The following ZC3H18 variants were observed in gnomAD, a reference collection of about 807,000 sequenced individuals.
ZC3H18 encodes zinc finger CCCH-type containing 18.
ZC3H18 carries 8 observed loss-of-function variants against 106.1 expected under a neutral mutation model. The observed-to-expected ratio is 0.08, with a 90% confidence interval of 0.04 to 0.14. The LOEUF is 0.14. ZC3H18 is among the 10% of genes least tolerant of loss of function. The pLI is 1.00. For synonymous variants in ZC3H18, 635 were observed against 522.1 expected (o/e 1.22, Z -2.95); for missense variants, 1,318 against 1,278.4 (o/e 1.03, Z -0.47).
chr16:88,571,560 G>C (rs1228676270), intron 1 of ZC3H18: 1 of 949,184 alleles, frequency 1.1e-6, no homozygotes, highest in Non-Finnish European at 1.3e-6. Flanking sequence ...AGCCCAGCCA[G>C]CCCTGGAACC....
intron 15 of ZC3H18, chr16:88,628,512 C>T (rs1227297718): frequency 5.4e-6 from 3 of 557,786 alleles, no homozygotes; most frequent in Admixed American, 3.1e-5. Flanking sequence ...CTAGAGTGGC[C>T]CCCGTGGGGA....
chr16:88,579,949 G>A (rs1915005553), intron 2 of ZC3H18, among the ~76,000 whole-genome samples: 1 of 152,144 alleles, frequency 6.6e-6, no homozygotes, highest in Non-Finnish European at 1.5e-5. Context: ...ACCAAGGTGG[G>A]CAGTGCTGTG....
chr16:88,628,493 C>T (rs551825501), intron 15 of ZC3H18, among the ~76,000 whole-genome samples: 20 of 152,208 alleles, frequency 1.3e-4, no homozygotes, highest in African/African-American at 4.8e-4. Flanking sequence ...TCATGGGTCC[C>T]AGGTCCTCCT....
intron 8 of ZC3H18, among the ~76,000 whole-genome samples, chr16:88,612,305 A>G (rs747824050): frequency 3.3e-5 from 5 of 152,132 alleles, no homozygotes; most frequent in East Asian, 1.9e-4. Context: ...AAAGTGTACA[A>G]TCAGTGGTTT....
intron 9 of ZC3H18, chr16:88,622,880 C>G: frequency 3.0e-6 from 1 of 333,732 alleles, no homozygotes; most frequent in East Asian, 8.0e-5. Context: ...CCAGGCTTCA[C>G]TGAAAGTGGA....
rs1362997120 is a variant in ZC3H18, at chr16:88,631,737, C to A, written c.*438C>A. The A allele has an allele frequency of 2.5e-5, 10 of 397,584 alleles. No individual in the cohort carries two copies. Among genetic ancestry groups the A allele is most frequent in the Non-Finnish European group, 4.0e-5 (8 of 200,148 alleles). 24.6% of individuals were successfully genotyped at this position (397,584 alleles called of 1,614,324 possible). A position where few individuals can be genotyped will look rare whatever the true frequency, so the allele number is the denominator to read the frequency against. ...GGTGGCACATCCTTCTCCTCCCCCG[C>A]CCCTGATCACCCGCCCCCGGATCAG... On this transcript the variant is annotated 3_prime_UTR_variant, in exon 18 of 18. Transcript: ENST00000301011.
intron 3 of ZC3H18, among the ~76,000 whole-genome samples, chr16:88,597,078 G>A (rs963285415): frequency 2.0e-5 from 3 of 152,124 alleles, no homozygotes; most frequent in East Asian, 1.9e-4. Context: ...CTGCCACCAC[G>A]TCCGGCTAAT....
At chr16:88,578,546 G>T (rs1914905953) in intron 2 of ZC3H18, among the ~76,000 whole-genome samples, 1 of 147,954 alleles carries the variant, frequency 6.8e-6, no homozygotes, top group Non-Finnish European at 1.5e-5. Flanking sequence ...TTTTTTTTTT[G>T]AAAGATCCTG....
chr16:88,570,631 A>C (rs1914332874), intron 1 of ZC3H18, 65 bp downstream of exon 1: 1 of 149,928 alleles, frequency 6.7e-6, no homozygotes, highest in Non-Finnish European at 1.5e-5. Context: ...GAGGCCGCCG[A>C]GGCGGCGGCG....
chr16:88,611,668 A>G, intron 8 of ZC3H18, 132 bp downstream of exon 8: 1 of 1,354,984 alleles, frequency 7.4e-7, no homozygotes, highest in Non-Finnish European at 9.8e-7. Flanking sequence ...GCAGGCCCAC[A>G]GCCCGAGCCC....
Position 88,598,217 on chromosome 16 carries a change from C to A in ZC3H18, c.728C>A (p.Pro243His), listed in dbSNP as rs375630108. ...TWGMNCRFIH[P>H]GVNDKGNYSL... ...GGAATGAATTGTAGGTTTATACACCCTGGAGTGAACGACAAGGGGAACTAC... is the reference window on the plus strand; with the variant it reads ...GGAATGAATTGTAGGTTTATACACCATGGAGTGAACGACAAGGGGAACTAC... The change falls in exon 4 of 18, where the codon CCT (proline) becomes CAT (histidine). Residue 243 changes from proline to histidine, a missense_variant. Pro to His is a moderately conservative substitution (Grantham distance 77). Around this residue, in one of 6 missense-constraint regions of ZC3H18, gnomAD observed 30 missense variants for 63.3 expected, o/e 0.47. Transcript: ENST00000301011. 3 of 1,613,574 alleles carry A rather than the reference C, an allele frequency of 1.9e-6. No individual in the cohort carries two copies. Among genetic ancestry groups the A allele is most frequent in the Non-Finnish European group, 2.5e-6 (3 of 1,179,894 alleles).
Position 88,627,419 on chromosome 16 carries a change from T to G in ZC3H18, c.2109-203T>G, listed in dbSNP as rs1317918533. On this transcript the variant is annotated intron_variant, in intron 13 of 17. Coordinates refer to ENST00000301011, the MANE Select transcript of ZC3H18 (RefSeq NM_144604.4). This position sits in a 1 kb window ranked among gnomAD's most constrained non-coding sequence, Gnocchi z 4.5. ...TGCCTGGCTGCAACCTGACATTGATTAGTGAAATGGGGCCCTGGCCTAGCC... is the reference window on the plus strand; with the variant it reads ...TGCCTGGCTGCAACCTGACATTGATGAGTGAAATGGGGCCCTGGCCTAGCC... 2 of 570,902 alleles carry G rather than the reference T, an allele frequency of 3.5e-6. No individual in the cohort carries two copies. The highest frequency in any genetic ancestry group is 3.5e-5 in the Admixed American group (1 of 28,178). The allele number at this position is 570,902 out of a possible 1,614,324, so 35.4% of individuals were successfully genotyped here.
chr16:88,591,886 G>A (rs530473158), intron 3 of ZC3H18, among the ~76,000 whole-genome samples: 12 of 152,372 alleles, frequency 7.9e-5, no homozygotes, highest in African/African-American at 1.7e-4. Context: ...AGTTGCTGAT[G>A]ACCTGGTGGT....
intron 1 of ZC3H18, among the ~76,000 whole-genome samples, chr16:88,576,819 C>T (rs993283937): frequency 5.3e-5 from 8 of 152,234 alleles, no homozygotes; most frequent in Non-Finnish European, 1.0e-4. Context: ...CTCGTGTGGG[C>T]TGCCCTTGAG....
rs1321577398 is a variant in ZC3H18 at position 88,577,489 on chromosome 16, G to C, written c.366G>C (p.Glu122Asp). 1 of 1,612,990 alleles carries C rather than the reference G, an allele frequency of 6.2e-7. No homozygotes were observed. Among genetic ancestry groups the C allele is most frequent in the Admixed American group, 1.7e-5 (1 of 59,964 alleles). ...ATGAGGCCTCCTCAGTCACCAGGGA[G>C]CTGGATGAGCATGAGCTAGACTACG... Reference protein sequence around the residue: ...LRDEASSVTRELDEHELDYDE... With the variant: ...LRDEASSVTRDLDEHELDYDE... Residue 122 changes from glutamate (E) to aspartate (D), a missense_variant, in exon 2 of 18, where the codon GAG (glutamate) becomes GAC (aspartate). Physicochemically the swap from Glu to Asp is conservative, Grantham distance 45. Around this residue, in one of 6 missense-constraint regions of ZC3H18, gnomAD observed 346 missense variants for 269.0 expected, o/e 1.29. Transcript: ENST00000301011.
chr16:88,609,191 A>G (rs1050085313), intron 7 of ZC3H18, 140 bp downstream of exon 7: 1 of 561,426 alleles, frequency 1.8e-6, no homozygotes, highest in Non-Finnish European at 2.9e-6. Flanking sequence ...AACCAAATTG[A>G]TTGTTACGGA....
In ZC3H18 at chr16:88,630,485, G is replaced by C; in HGVS notation, c.2567G>C (p.Gly856Ala). Residue 856 changes from glycine (G) to alanine (A), a missense_variant and splice_region_variant, in exon 17 of 18, where the codon GGT becomes GCT. By Grantham distance (60) the Gly-to-Ala change is moderately conservative. Coordinates refer to ENST00000301011, the MANE Select transcript of ZC3H18 (RefSeq NM_144604.4). Reference protein sequence around the residue: ...AKRPNTSPDRGSRDRKSGGRL... With the variant: ...AKRPNTSPDRASRDRKSGGRL... ...GTCTCACTCTGTACCTATCACCCAG[G>C]TTCTCGGGACCGGAAGTCAGGTGGG... is the stretch of plus-strand genomic sequence containing the variant. 6.2e-7 allele frequency: 1 copy of C among 1,613,086 alleles called. No individual in the cohort carries two copies. Among genetic ancestry groups the C allele is most frequent in the Non-Finnish European group, 8.5e-7 (1 of 1,179,770 alleles).
In ZC3H18 at chr16:88,592,150, G is replaced by A. The variant is rs577457752; in HGVS notation, c.688+5466G>A. ...TTACTTTCCCACCAGTGGTGTGGGG[G>A]CTTCCAGTTTCTCCACGTCCTCACC... is the stretch of plus-strand genomic sequence containing the variant. On this transcript the variant is annotated intron_variant, in intron 3 of 17. Transcript: ENST00000301011. 2.6e-5 allele frequency among the ~76,000 whole-genome samples: 4 copies of A among 152,308 alleles called. No individual in the cohort carries two copies. In the East Asian group the frequency reaches 5.8e-4, roughly 22 times the overall value.
intron 1 of ZC3H18, among the ~76,000 whole-genome samples, chr16:88,575,407 T>TA (rs1249235750): frequency 6.6e-6 from 1 of 151,958 alleles, no homozygotes; most frequent in Non-Finnish European, 1.5e-5. Flanking sequence ...GACCGTGACA[T>TA]ACGTTATTTT....
Sources: allele counts gnomAD v4.1 joint callset (sites outside exome capture counted in the v4.1 genomes callset), GRCh38; gene constraint gnomAD v4.1.1; regional missense constraint gnomAD v4.1.1; non-coding constraint Gnocchi (gnomAD v3.1); transcripts MANE v1.5; gene names NCBI Gene and HGNC (gene_info 2026-07-23, HGNC 2026-07-21).